The following SLC2A13 variants were observed in gnomAD, a reference collection of about 807,000 sequenced individuals.
The protein encoded by SLC2A13 is proton myo-inositol cotransporter.
SLC2A13 carries 32 observed loss-of-function variants against 64.4 expected under a neutral mutation model. That is an observed-to-expected ratio of 0.50 (90% CI 0.37 to 0.67). The LOEUF (loss-of-function observed/expected upper bound fraction) is 0.67, where lower values mean the gene tolerates loss of function less well. SLC2A13 is among the 30% of genes least tolerant of loss of function. SLC2A13 has a pLI of 0.00. For synonymous variants in SLC2A13, 338 were observed against 327.1 expected (o/e 1.03, Z -0.36); for missense variants, 743 against 829.2 (o/e 0.90, Z 1.28).
At chr12:39,868,395 C>CA (rs1226309747) in intron 5 of SLC2A13, among the ~76,000 whole-genome samples, 16 of 151,986 alleles carry the variant, frequency 1.1e-4, no homozygotes, top group Admixed American at 1.0e-3. Flanking sequence ...AGTAAATACT[C>CA]AAAAAAACAA....
At chr12:39,963,192 C>T (rs1300004835) in intron 3 of SLC2A13, among the ~76,000 whole-genome samples, 1 of 146,762 alleles carries the variant, frequency 6.8e-6, no homozygotes, top group African/African-American at 2.5e-5. Flanking sequence ...GAGGCTGAGG[C>T]AGGAGAATGG....
chr12:40,067,143 A>G (rs1458786484), intron 1 of SLC2A13, among the ~76,000 whole-genome samples: 1 of 152,200 alleles, frequency 6.6e-6, no homozygotes, highest in Non-Finnish European at 1.5e-5. Context: ...TTTAGGATTC[A>G]GTTAGCTAAT....
chr12:39,877,885 T>C (rs938203274), intron 4 of SLC2A13, among the ~76,000 whole-genome samples: 5 of 152,206 alleles, frequency 3.3e-5, no homozygotes. Context: ...AGTGCTGAGG[T>C]AGGGCATGGT....
chr12:39,890,041 A>G (rs1944565225), intron 4 of SLC2A13, among the ~76,000 whole-genome samples: 2 of 152,186 alleles, frequency 1.3e-5, no homozygotes, highest in South Asian at 4.1e-4. Flanking sequence ...AAATTACTAC[A>G]TTGGGTAGAA....
intron 2 of SLC2A13, among the ~76,000 whole-genome samples, chr12:40,041,698 CA>C (rs1948093173): frequency 6.6e-6 from 1 of 152,252 alleles, no homozygotes. Flanking sequence ...CTGATGACTC[CA>C]AAAGTATAAC....
In SLC2A13 at chr12:39,815,680, ACT is replaced by A. The variant is rs1942319599; in HGVS notation, c.1445+14421_1445+14422del. On this transcript the variant is annotated intron_variant, in intron 7 of 9. Transcript: ENST00000280871. ...AGAAAAAGCACTGGAAAGCAGTTCT[ACT>A]AAAGGGCATGTAGGGAAAAATAGAG... Among the ~76,000 whole-genome samples, 12 of 152,368 alleles carry A rather than the reference ACT, an allele frequency of 7.9e-5. No homozygotes were observed. In the South Asian group the frequency reaches 2.3e-3, roughly 29 times the overall value.
intron 1 of SLC2A13, among the ~76,000 whole-genome samples, chr12:40,066,584 A>G (rs1391233461): frequency 6.6e-6 from 1 of 152,220 alleles, no homozygotes; most frequent in Non-Finnish European, 1.5e-5. Context: ...TGCCATGCCT[A>G]CATATAAAAT....
chr12:40,043,615 G>A (rs138421256), intron 2 of SLC2A13, among the ~76,000 whole-genome samples: 84 of 152,010 alleles, frequency 5.5e-4, no homozygotes, highest in African/African-American at 2.0e-3. Flanking sequence ...GAAACTGTTC[G>A]TCACTATAAT....
At chr12:39,761,995 G>A (rs759229069) in intron 9 of SLC2A13, among the ~76,000 whole-genome samples, 9 of 152,070 alleles carry the variant, frequency 5.9e-5, no homozygotes, top group Non-Finnish European at 5.9e-5. Flanking sequence ...GATTCCTGAA[G>A]TTGATTACAG....
intron 6 of SLC2A13, among the ~76,000 whole-genome samples, chr12:39,835,503 G>T (rs1455003908): frequency 6.6e-6 from 1 of 152,058 alleles, no homozygotes; most frequent in Non-Finnish European, 1.5e-5. Flanking sequence ...TTTATAAAAG[G>T]AATTGCGGAA....
At chr12:39,948,790 TATAC>T (rs1295529199) in intron 4 of SLC2A13, among the ~76,000 whole-genome samples, 6 of 152,140 alleles carry the variant, frequency 3.9e-5, no homozygotes, top group Non-Finnish European at 7.4e-5. Flanking sequence ...TAAAATTTTA[TATAC>T]ATAAACATAT....
chr12:39,857,371 T>C (rs1398125074), intron 6 of SLC2A13, among the ~76,000 whole-genome samples: 1 of 152,210 alleles, frequency 6.6e-6, no homozygotes, highest in Admixed American at 6.5e-5. Flanking sequence ...CACAGTGAGG[T>C]TTCGGATCCT....
intron 4 of SLC2A13, among the ~76,000 whole-genome samples, chr12:39,938,203 T>C (rs1023003503): frequency 2.0e-5 from 3 of 152,146 alleles, no homozygotes; most frequent in African/African-American, 7.2e-5. Context: ...TGCTTTCTCA[T>C]GTAATCACAT....
chr12:39,885,191 C>G (rs1353667182), intron 4 of SLC2A13, among the ~76,000 whole-genome samples: 2 of 152,184 alleles, frequency 1.3e-5, no homozygotes, highest in African/African-American at 4.8e-5. Flanking sequence ...ACTGGAGGAA[C>G]AGGAGCTAGG....
intron 4 of SLC2A13, among the ~76,000 whole-genome samples, chr12:39,885,660 C>T (rs1054878545): frequency 6.6e-6 from 1 of 152,118 alleles, no homozygotes; most frequent in Non-Finnish European, 1.5e-5. Flanking sequence ...TTCTTGTCCT[C>T]CTCTGAGGAA....
chr12:39,801,478 A>G (rs1941790791), intron 7 of SLC2A13, among the ~76,000 whole-genome samples: 1 of 152,184 alleles, frequency 6.6e-6, no homozygotes, highest in Non-Finnish European at 1.5e-5. Flanking sequence ...GGCTGACCTC[A>G]TGACATAGTC....
At chr12:39,806,873 TATACA>T (rs1187328197) in intron 7 of SLC2A13, among the ~76,000 whole-genome samples, 1 of 152,160 alleles carries the variant, frequency 6.6e-6, no homozygotes, top group Non-Finnish European at 1.5e-5. Context: ...ATATTCATAC[TATACA>T]ATACTACTCA....
chr12:39,913,970 A>G (rs1166329350), intron 4 of SLC2A13, among the ~76,000 whole-genome samples: 1 of 152,056 alleles, frequency 6.6e-6, no homozygotes, highest in Non-Finnish European at 1.5e-5. Context: ...GTCTCAAAAA[A>G]GTCTCCAAAG....
At chr12:39,879,620 CT>C (rs1247496476) in intron 4 of SLC2A13, among the ~76,000 whole-genome samples, 1 of 152,168 alleles carries the variant, frequency 6.6e-6, no homozygotes, top group Non-Finnish European at 1.5e-5. Context: ...TGATTTCTCC[CT>C]TTTGGAATGA....
Sources: allele counts gnomAD v4.1 joint callset (sites outside exome capture counted in the v4.1 genomes callset), GRCh38; gene constraint gnomAD v4.1.1; transcripts MANE v1.5; gene names NCBI Gene and HGNC (gene_info 2026-07-23, HGNC 2026-07-21).